The following SNX9 variants were observed in gnomAD, a reference collection of about 807,000 sequenced individuals.
The protein encoded by SNX9 is sorting nexin-9.
A neutral mutation model predicts 89.4 loss-of-function variants in SNX9; 44 were observed. The observed-to-expected ratio is 0.49, with a 90% CI of 0.39 to 0.63. SNX9 has a LOEUF of 0.63. Among genes scored for constraint, SNX9 ranks in the 30% least tolerant of loss-of-function variants. The pLI, the probability that SNX9 is intolerant of heterozygous loss-of-function variation, is 0.00. For missense variants in SNX9, 578 were observed against 736.1 expected, an observed-to-expected ratio of 0.79 and a Z score of 2.49; for synonymous variants, 236 against 247.8, an observed-to-expected ratio of 0.95 and a Z score of 0.45.
chr6:157,925,773 T>TCTAAACAA (rs1430210077), intron 10 of SNX9, among the ~76,000 whole-genome samples: 1 of 151,996 alleles, frequency 6.6e-6, no homozygotes, highest in Non-Finnish European at 1.5e-5. Context: ...CATGCGTAGG[T>TCTAAACAA]GGTAAAACTC....
chr6:157,848,178 A>C (rs528395001), intron 1 of SNX9, among the ~76,000 whole-genome samples: 1 of 152,316 alleles, frequency 6.6e-6, no homozygotes, highest in Admixed American at 6.5e-5. Context: ...TTTCACCACT[A>C]TGTCCCCCTA....
intron 14 of SNX9, among the ~76,000 whole-genome samples, chr6:157,936,923 G>A (rs900398324): frequency 6.6e-6 from 1 of 152,174 alleles, no homozygotes; most frequent in East Asian, 1.9e-4. Flanking sequence ...GTGTATGGAT[G>A]CACACATGTG....
chr6:157,833,660 C>G (rs1351131211), intron 1 of SNX9, among the ~76,000 whole-genome samples: 1 of 152,186 alleles, frequency 6.6e-6, no homozygotes, highest in Non-Finnish European at 1.5e-5. Context: ...TGCCTTCTCC[C>G]TCAGGAGCTT....
At chr6:157,906,065 G>C in intron 6 of SNX9, 63 bp from the exon 7 acceptor site, 1 of 1,379,576 alleles carries the variant, frequency 7.2e-7, no homozygotes, top group Non-Finnish European at 1.0e-6. Flanking sequence ...AAATGTAGAC[G>C]AGAGTTGTAA....
At chr6:157,942,591 G>A (rs1168539724) in intron 17 of SNX9, among the ~76,000 whole-genome samples, 200 bp from the exon 18 acceptor site, 2 of 152,280 alleles carry the variant, frequency 1.3e-5, no homozygotes, top group Non-Finnish European at 2.9e-5. Flanking sequence ...ACCAGGGCCA[G>A]CTCGGGCCCC....
intron 4 of SNX9, among the ~76,000 whole-genome samples, chr6:157,894,114 T>C (rs1049624852): frequency 1.4e-5 from 2 of 138,908 alleles, no homozygotes; most frequent in East Asian, 2.0e-4. Flanking sequence ...TTCTTTTTTT[T>C]TTTTTTTTTT....
At chr6:157,856,960 T>G (rs1782026076) in intron 1 of SNX9, among the ~76,000 whole-genome samples, 1 of 152,216 alleles carries the variant, frequency 6.6e-6, no homozygotes, top group South Asian at 2.1e-4. Flanking sequence ...TTCCTTCATT[T>G]ATCAGCTGAA....
At chr6:157,904,720 T>C (rs368291430) in intron 6 of SNX9, among the ~76,000 whole-genome samples, 6 of 152,064 alleles carry the variant, frequency 3.9e-5, no homozygotes, top group African/African-American at 1.2e-4. Context: ...AAAAAATAAA[T>C]AAAATAGAGT....
intron 1 of SNX9, among the ~76,000 whole-genome samples, chr6:157,826,654 A>T: frequency 6.9e-6 from 1 of 144,988 alleles, no homozygotes; most frequent in African/African-American, 2.7e-5. Flanking sequence ...TACAAATATT[A>T]ATACAAAAGC....
rs1783105564 is a variant in SNX9, at chr6:157,901,895, T to C, written c.473-3T>C. ...ACTGATGATCTTCCATTTTCACCTC[T>C]AGCAACTGGTGATGATGATGACTGG... On this transcript the variant is annotated splice_polypyrimidine_tract_variant and splice_region_variant and intron_variant, in intron 5 of 17. Coordinates refer to ENST00000392185, the MANE Select transcript of SNX9 (RefSeq NM_016224.5). 6 of 1,596,226 alleles carry C rather than the reference T, an allele frequency of 3.8e-6. No homozygotes were observed. Among genetic ancestry groups the C allele is most frequent in the East Asian group, 2.2e-5 (1 of 44,592 alleles).
chr6:157,895,481 G>A (rs954309136), intron 4 of SNX9, among the ~76,000 whole-genome samples: 3 of 152,144 alleles, frequency 2.0e-5, no homozygotes, highest in African/African-American at 7.2e-5. Flanking sequence ...AGTACCCAAA[G>A]ACTGAAAACA....
chr6:157,915,640 A>AAAAT (rs1472422303), intron 9 of SNX9, among the ~76,000 whole-genome samples: 38 of 95,144 alleles, frequency 4.0e-4, no homozygotes, highest in African/African-American at 5.1e-4. Flanking sequence ...AAAAAAAAAA[A>AAAAT]ATATATATAT....
intron 1 of SNX9, among the ~76,000 whole-genome samples, chr6:157,837,358 T>C (rs1781606881): frequency 6.6e-6 from 1 of 152,230 alleles, no homozygotes; most frequent in Non-Finnish European, 1.5e-5. Context: ...ATTAAAACAG[T>C]AATCAGTCCA....
At chr6:157,904,963 C>T (rs1269117941) in intron 6 of SNX9, among the ~76,000 whole-genome samples, 2 of 152,172 alleles carry the variant, frequency 1.3e-5, no homozygotes, top group African/African-American at 4.8e-5. Flanking sequence ...GAGAGGATGA[C>T]TTAGTTGCCA....
At chr6:157,840,011 A>G (rs1000057150) in intron 1 of SNX9, among the ~76,000 whole-genome samples, 1 of 152,140 alleles carries the variant, frequency 6.6e-6, no homozygotes, top group African/African-American at 2.4e-5. Flanking sequence ...AAAAACAAGA[A>G]AGCCTCACTG....
intron 4 of SNX9, among the ~76,000 whole-genome samples, chr6:157,886,180 C>T (rs1782732382): frequency 6.6e-6 from 1 of 152,080 alleles, no homozygotes; most frequent in African/African-American, 2.4e-5. Context: ...CTAACCATGT[C>T]ATCCAAACAA....
chr6:157,921,416 A>G (rs916760607), intron 9 of SNX9, 115 bp from the exon 10 acceptor site: 2 of 1,068,308 alleles, frequency 1.9e-6, no homozygotes, highest in Non-Finnish European at 2.6e-6. Context: ...ACCTTTTGCT[A>G]AATAGCTTTC....
intron 10 of SNX9, among the ~76,000 whole-genome samples, chr6:157,923,599 A>G (rs1316546421): frequency 3.3e-5 from 5 of 152,234 alleles, no homozygotes; most frequent in African/African-American, 7.2e-5. Context: ...ACTGGAAACA[A>G]TAAAGATGTC....
At chr6:157,930,572 G>A (rs959434983) in intron 12 of SNX9, among the ~76,000 whole-genome samples, 4 of 152,092 alleles carry the variant, frequency 2.6e-5, no homozygotes, top group South Asian at 4.2e-4. Flanking sequence ...CCTGAGCTCC[G>A]CCTCCTGTCA....
Sources: allele counts gnomAD v4.1 joint callset (sites outside exome capture counted in the v4.1 genomes callset), GRCh38; gene constraint gnomAD v4.1.1; transcripts MANE v1.5; gene names NCBI Gene and HGNC (gene_info 2026-07-23, HGNC 2026-07-21).